The following DOCK2 variants were observed in gnomAD, a reference collection of about 807,000 sequenced individuals.
The protein encoded by DOCK2 is dedicator of cytokinesis protein 2.
In DOCK2, 87 loss-of-function variants were observed where a neutral mutation model predicts 248.9. The ratio of observed to expected loss-of-function variants is 0.35; its 90% CI spans 0.29 to 0.42. DOCK2 has a LOEUF of 0.42. DOCK2 is among the 10% of genes least tolerant of loss of function. The pLI is 1.00. For missense variants in DOCK2, 1,747 were observed against 2,300.2 expected (o/e 0.76, Z 4.92); for synonymous variants, 805 against 821.6 (o/e 0.98, Z 0.35).
chr5:169,688,185 C>A (rs1370138769), intron 8 of DOCK2, among the ~76,000 whole-genome samples: 7 of 152,232 alleles, frequency 4.6e-5, no homozygotes. Context: ...CTTGGCCTTG[C>A]AAAGTGCTGG....
chr5:169,789,220 G>A (rs1766177023), intron 25 of DOCK2, among the ~76,000 whole-genome samples: 1 of 152,162 alleles, frequency 6.6e-6, no homozygotes, highest in African/African-American at 2.4e-5. Context: ...ATTCCATGGT[G>A]TATATGTACC....
At chr5:169,818,304 G>T (rs149346470) in intron 26 of DOCK2, among the ~76,000 whole-genome samples, 9 of 152,178 alleles carry the variant, frequency 5.9e-5, no homozygotes, top group South Asian at 2.1e-4. Context: ...CACAAAGGCC[G>T]TATCGGTCTT....
chr5:170,061,535 C>T (rs1464522026), intron 44 of DOCK2, among the ~76,000 whole-genome samples: 2 of 152,158 alleles, frequency 1.3e-5, no homozygotes, highest in Non-Finnish European at 1.5e-5. Flanking sequence ...TTAGCTAAAC[C>T]GTGGGTTTAA....
chr5:169,737,741 C>T (rs966538726), intron 22 of DOCK2, among the ~76,000 whole-genome samples: 8 of 152,194 alleles, frequency 5.3e-5, no homozygotes, highest in South Asian at 2.1e-4. Flanking sequence ...CAGCTGAACA[C>T]GTGGCACTTC....
chr5:169,934,499 A>C (rs1364056463), intron 27 of DOCK2, among the ~76,000 whole-genome samples: 2 of 152,158 alleles, frequency 1.3e-5, no homozygotes, highest in African/African-American at 4.8e-5. Context: ...ATGCTAGGAG[A>C]TGGAATGCTT....
Position 169,734,924 on chromosome 5 carries a change from G to T in DOCK2, c.2268-12472G>T, listed in dbSNP as rs753565809. 8.5e-5 allele frequency among the ~76,000 whole-genome samples: 13 copies of T among 152,314 alleles called. No individual in the cohort carries two copies. In the South Asian group the frequency reaches 2.7e-3, roughly 32 times the overall value. ...AGACGCCTTTGGGGCAAAGCTGGCTGCATTGCTCTGACGTACCCAGAGACC... is the reference window on the plus strand; with the variant it reads ...AGACGCCTTTGGGGCAAAGCTGGCTTCATTGCTCTGACGTACCCAGAGACC... On this transcript the variant is annotated intron_variant, in intron 22 of 51. Transcript: ENST00000520908.
chr5:169,711,460 T>G (rs928019644), intron 15 of DOCK2, among the ~76,000 whole-genome samples: 4 of 152,348 alleles, frequency 2.6e-5, no homozygotes, highest in African/African-American at 9.6e-5. Flanking sequence ...CTAGGATTTT[T>G]CCAAATATTA....
intron 14 of DOCK2, among the ~76,000 whole-genome samples, chr5:169,702,841 T>C (rs953852222): frequency 6.6e-6 from 1 of 152,068 alleles, no homozygotes; most frequent in African/African-American, 2.4e-5. Flanking sequence ...CTTGGGCTGG[T>C]GTGGAGGCTC....
At chr5:169,945,509 A>T (rs796400817) in intron 27 of DOCK2, among the ~76,000 whole-genome samples, 11 of 152,368 alleles carry the variant, frequency 7.2e-5, no homozygotes, top group African/African-American at 2.4e-4. Flanking sequence ...GTGTTGTCTC[A>T]TGCAATCTTC....
intron 14 of DOCK2, among the ~76,000 whole-genome samples, chr5:169,704,270 T>C (rs1235427988): frequency 1.3e-5 from 2 of 152,260 alleles, no homozygotes; most frequent in Non-Finnish European, 2.9e-5. Flanking sequence ...TGTCAGTCAG[T>C]ACATTCAAAC....
At chr5:170,005,718 T>C (rs1012350910) in intron 30 of DOCK2, among the ~76,000 whole-genome samples, 5 of 152,062 alleles carry the variant, frequency 3.3e-5, no homozygotes, top group African/African-American at 4.8e-5. Flanking sequence ...GTGAATTTTA[T>C]GGTATATAAA....
At chr5:169,732,345 G>T (rs2113629273) in intron 22 of DOCK2, among the ~76,000 whole-genome samples, 1 of 151,900 alleles carries the variant, frequency 6.6e-6, no homozygotes, top group Middle Eastern at 3.4e-3. Flanking sequence ...ATGCTTTTTG[G>T]TGTCCTCCTT....
At chr5:169,668,176 G>A (rs570424248) in intron 2 of DOCK2, among the ~76,000 whole-genome samples, 1 of 152,212 alleles carries the variant, frequency 6.6e-6, no homozygotes, top group African/African-American at 2.4e-5. Context: ...ACTTCATGCG[G>A]TTGTTATGAA....
intron 28 of DOCK2, among the ~76,000 whole-genome samples, chr5:169,983,617 C>G (rs1777994927): frequency 6.6e-6 from 1 of 152,168 alleles, no homozygotes; most frequent in Non-Finnish European, 1.5e-5. Context: ...GACCATCTGC[C>G]CGTGGCCTGT....
intron 6 of DOCK2, among the ~76,000 whole-genome samples, chr5:169,680,494 C>T (rs1223687502): frequency 6.6e-6 from 1 of 152,146 alleles, no homozygotes; most frequent in African/African-American, 2.4e-5. Context: ...TTTCCCCAAC[C>T]ACTATTTTCA....
intron 23 of DOCK2, among the ~76,000 whole-genome samples, chr5:169,757,044 C>T (rs1019996347): frequency 6.6e-6 from 1 of 152,054 alleles, no homozygotes; most frequent in African/African-American, 2.4e-5. Context: ...AGAAATGCAG[C>T]CTGCATTTGT....
chr5:169,837,439 T>C (rs1253341721), intron 26 of DOCK2, among the ~76,000 whole-genome samples: 1 of 152,170 alleles, frequency 6.6e-6, no homozygotes, highest in African/African-American at 2.4e-5. Flanking sequence ...TTGGGTGACA[T>C]TTAGATATCA....
chr5:169,976,758 G>C (rs1777731269), intron 27 of DOCK2, among the ~76,000 whole-genome samples: 1 of 152,164 alleles, frequency 6.6e-6, no homozygotes, highest in Admixed American at 6.5e-5. Context: ...CTGTGCTTAA[G>C]AGCTGATCTG....
intron 8 of DOCK2, among the ~76,000 whole-genome samples, chr5:169,687,796 TA>T (rs1317065077): frequency 1.3e-5 from 2 of 152,184 alleles, no homozygotes; most frequent in African/African-American, 2.4e-5. Flanking sequence ...CTGGTCCTCA[TA>T]AAACCCTCCA....
Sources: gnomAD v4.1 joint callset for allele counts (sites outside exome capture counted in the v4.1 genomes callset) on GRCh38, gnomAD v4.1.1 for gene constraint, MANE v1.5 for transcripts, NCBI Gene and HGNC (gene_info 2026-07-23, HGNC 2026-07-21) for gene names.